The following RIMS2 variants were observed in gnomAD, a reference collection of about 807,000 sequenced individuals.
RIMS2 encodes regulating synaptic membrane exocytosis protein 2.
A neutral mutation model predicts 174.4 loss-of-function variants in RIMS2; 59 were observed. The observed-to-expected ratio is 0.34, with a 90% confidence interval of 0.27 to 0.42. The LOEUF (loss-of-function observed/expected upper bound fraction) is 0.42, where lower values mean the gene tolerates loss of function less well. Among genes scored for constraint, RIMS2 ranks in the 10% least tolerant of loss-of-function variants. The pLI, the probability that RIMS2 is intolerant of heterozygous loss-of-function variation, is 1.00. For missense variants in RIMS2, 1,620 were observed against 1,666.3 expected (o/e 0.97, Z 0.48); for synonymous variants, 606 against 572.5 (o/e 1.06, Z -0.84).
At chr8:103,578,316 A>G (rs10101805) in intron 1 of RIMS2, among the ~76,000 whole-genome samples, 27,686 of 151,352 alleles carry the variant, frequency 0.18, 2,764 homozygotes, top group African/African-American at 0.26. Context: ...GATCATTTGA[A>G]GTCAGGAGTT....
intron 2 of RIMS2, among the ~76,000 whole-genome samples, chr8:103,697,563 A>C (rs1327438646): frequency 1.3e-5 from 2 of 151,560 alleles, no homozygotes; most frequent in Admixed American, 1.3e-4. Context: ...AAAAAAACAA[A>C]AAAAACCCAC....
At chr8:103,856,669 G>T (rs1157209769) in intron 3 of RIMS2, among the ~76,000 whole-genome samples, 1 of 152,128 alleles carries the variant, frequency 6.6e-6, no homozygotes, top group Non-Finnish European at 1.5e-5. Flanking sequence ...CCAAAGCACT[G>T]ATTCTACTTA....
intron 3 of RIMS2, among the ~76,000 whole-genome samples, chr8:103,873,344 A>G (rs2099121428): frequency 6.6e-6 from 1 of 152,090 alleles, no homozygotes; most frequent in African/African-American, 2.4e-5. Context: ...ATAGTCTCAG[A>G]CCAATGTAGT....
chr8:103,807,491 G>T (rs1039059541), intron 3 of RIMS2, among the ~76,000 whole-genome samples: 3 of 152,098 alleles, frequency 2.0e-5, no homozygotes, highest in African/African-American at 7.2e-5. Flanking sequence ...ACTTCTTCAA[G>T]AAATTTTGCT....
chr8:103,834,718 T>A, intron 3 of RIMS2, among the ~76,000 whole-genome samples: 1 of 127,666 alleles, frequency 7.8e-6, no homozygotes, highest in Admixed American at 7.4e-5. Context: ...CTTTCTTTCT[T>A]TCTTTCTTTC....
At chr8:104,127,596 G>A (rs148811591) in intron 19 of RIMS2, among the ~76,000 whole-genome samples, 13 of 152,220 alleles carry the variant, frequency 8.5e-5, no homozygotes, top group Non-Finnish European at 1.6e-4. Flanking sequence ...GAGTTACTTA[G>A]CCTCACTGTG....
chr8:103,627,833 C>A (rs1011765879), intron 1 of RIMS2, among the ~76,000 whole-genome samples: 2 of 152,130 alleles, frequency 1.3e-5, no homozygotes, highest in South Asian at 4.1e-4. Flanking sequence ...AAAAAATAAT[C>A]ATTTATACCT....
At chr8:104,013,446 T>G in exon 18 of RIMS2, 1 of 1,613,412 alleles carries the variant, frequency 6.2e-7, no homozygotes, top group South Asian at 1.1e-5. Flanking sequence ...TTTCAGGGAT[T>G]GTGAAGCAGC....
intron 19 of RIMS2, among the ~76,000 whole-genome samples, chr8:104,194,617 CAA>C (rs1221542512): frequency 6.6e-6 from 1 of 152,016 alleles, no homozygotes; most frequent in Non-Finnish European, 1.5e-5. Flanking sequence ...GTACATGGCA[CAA>C]AAAGTGTCTG....
At chr8:103,706,038 T>G (rs11779045) in intron 2 of RIMS2, among the ~76,000 whole-genome samples, 17,572 of 151,970 alleles carry the variant, frequency 0.12, 1,348 homozygotes, top group Non-Finnish European at 0.17. Context: ...GGTATTATAT[T>G]TTAATTCCTT....
intron 14 of RIMS2, among the ~76,000 whole-genome samples, chr8:103,949,241 A>G (rs368469812): frequency 6.6e-6 from 1 of 152,118 alleles, no homozygotes; most frequent in East Asian, 1.9e-4. Flanking sequence ...TACAATCTCA[A>G]TTACAGTAAG....
At chr8:103,847,240 C>A (rs1438003078) in intron 3 of RIMS2, among the ~76,000 whole-genome samples, 1 of 152,058 alleles carries the variant, frequency 6.6e-6, no homozygotes, top group African/African-American at 2.4e-5. Context: ...ACTCCTTCTT[C>A]TATCCCTTAG....
In RIMS2 at chr8:103,834,744, C is replaced by CTTTCTTTCTTTCTT. The variant is rs1216333752; in HGVS notation, c.699-50553_699-50552insTTCTTTCTTTCTTT. 1.9e-3 allele frequency among the ~76,000 whole-genome samples: 197 copies of CTTTCTTTCTTTCTT among 105,254 alleles called. 6 individuals are homozygous for CTTTCTTTCTTTCTT. Among genetic ancestry groups the CTTTCTTTCTTTCTT allele is most frequent in the African/African-American group, 6.5e-3 (180 of 27,808 alleles). 69.1% of individuals were successfully genotyped at this position (105,254 alleles called of 152,430 possible). A position where few individuals can be genotyped will look rare whatever the true frequency, so the allele number is the denominator to read the frequency against. ...TCTTTCTTTCTTTCTTTCTTTCTTT[C>CTTTCTTTCTTTCTT]TCTCTCTTTCTTTTTCTCTCTCTCT... On this transcript the variant is annotated intron_variant, in intron 3 of 23. Coordinates refer to ENST00000504942, the Ensembl canonical transcript of RIMS2.
At chr8:103,794,068 A>G (rs1455222484) in intron 3 of RIMS2, among the ~76,000 whole-genome samples, 1 of 152,196 alleles carries the variant, frequency 6.6e-6, no homozygotes, top group Non-Finnish European at 1.5e-5. Context: ...TCTTTACAGA[A>G]TTGAAAAAAA....
chr8:104,030,889 ACTCT>A (rs5893673), intron 19 of RIMS2, among the ~76,000 whole-genome samples: 2,007 of 151,428 alleles, frequency 0.013, 28 homozygotes, highest in Middle Eastern at 0.11. Flanking sequence ...GTTTATAATC[ACTCT>A]CTCCCATTAA....
intron 1 of RIMS2, among the ~76,000 whole-genome samples, chr8:103,526,409 A>G (rs1342737681): frequency 6.6e-6 from 1 of 152,200 alleles, no homozygotes; most frequent in East Asian, 1.9e-4. Flanking sequence ...AATGTCTTAC[A>G]TGGACACAAA....
intron 19 of RIMS2, among the ~76,000 whole-genome samples, chr8:104,214,600 A>G (rs1022377716): frequency 6.6e-6 from 1 of 152,020 alleles, no homozygotes. Flanking sequence ...GTTGCCCACC[A>G]CCACACCCAG....
downstream of RIMS2, chr8:104,254,028 T>C (rs1361361973): frequency 2.6e-5 from 4 of 152,224 alleles, no homozygotes; most frequent in East Asian, 5.8e-4. Context: ...AATAGACCTA[T>C]AGTGTCTATA....
intron 2 of RIMS2, among the ~76,000 whole-genome samples, chr8:103,755,309 C>G (rs1476161996): frequency 6.6e-6 from 1 of 152,176 alleles, no homozygotes; most frequent in Non-Finnish European, 1.5e-5. Context: ...CTGTTATTCT[C>G]ATGGGCTTCC....
Sources: allele counts gnomAD v4.1 joint callset (sites outside exome capture counted in the v4.1 genomes callset), GRCh38; gene constraint gnomAD v4.1.1; transcripts MANE v1.5; gene names NCBI Gene and HGNC (gene_info 2026-07-23, HGNC 2026-07-21).